Variants in MYO1D observed in about 807,000 individuals in gnomAD.
The protein encoded by MYO1D is myosin ID.
A neutral mutation model predicts 122.0 loss-of-function variants in MYO1D; 83 were observed. That is an observed-to-expected ratio of 0.68 (90% CI 0.57 to 0.82). MYO1D has a LOEUF of 0.82. Among genes scored for constraint, MYO1D ranks in the 40% least tolerant of loss-of-function variants. The pLI, the probability that MYO1D is intolerant of heterozygous loss-of-function variation, is 0.00. For missense variants in MYO1D, 1,157 were observed against 1,269.5 expected (o/e 0.91, Z 1.35); for synonymous variants, 464 against 446.9 (o/e 1.04, Z -0.48).
At chr17:32,588,934 T>G (rs2087414314) in intron 21 of MYO1D, among the ~76,000 whole-genome samples, 1 of 150,390 alleles carries the variant, frequency 6.6e-6, no homozygotes, top group African/African-American at 2.5e-5. Context: ...CAGAGCAAAA[T>G]TTTGCCTCAA....
chr17:32,644,109 T>C (rs947214232), intron 19 of MYO1D, among the ~76,000 whole-genome samples: 78 of 152,186 alleles, frequency 5.1e-4, no homozygotes, highest in African/African-American at 1.8e-3. Context: ...GATTCTGGTA[T>C]GTTGTGTCTT....
chr17:32,613,913 C>T (rs1304026647), intron 20 of MYO1D, among the ~76,000 whole-genome samples: 2 of 150,600 alleles, frequency 1.3e-5, no homozygotes, highest in Non-Finnish European at 3.0e-5. Flanking sequence ...GGGTCAGGCT[C>T]GCTGGCTTTC....
rs2087611270 is a variant in MYO1D at position 32,605,153 on chromosome 17, C to T, written c.2798G>A (p.Ser933Asn). The change falls in exon 21 of 22, where the codon AGC becomes AAC. Residue 933 changes from serine to asparagine, a missense_variant. Coordinates refer to ENST00000318217, the MANE Select transcript of MYO1D (RefSeq NM_015194.3). ...TCGACTCTCATGGGTTGGCTGTTTG[C>T]TGAAGAGGCAGACAATGAGGTCTTT... ...DNKDLIVCLF[S>N]KQPTHESRIG... is the part of the protein sequence containing the mutation. The T allele has an allele frequency of 6.2e-7, 1 of 1,610,476 alleles. No individual in the cohort carries two copies. Among genetic ancestry groups the T allele is most frequent in the Non-Finnish European group, 8.5e-7 (1 of 1,177,258 alleles).
At chr17:32,632,491 A>G (rs998541425) in intron 20 of MYO1D, 21 of 151,228 alleles carry the variant, frequency 1.4e-4, no homozygotes, top group Non-Finnish European at 7.4e-5. Context: ...TATATGCTGC[A>G]TTCGTGTATG....
chr17:32,621,021 C>T (rs1214023852), intron 20 of MYO1D, among the ~76,000 whole-genome samples: 1 of 152,102 alleles, frequency 6.6e-6, no homozygotes, highest in South Asian at 2.1e-4. Context: ...GGACGGAACC[C>T]AAGTCTAAAA....
intron 15 of MYO1D, among the ~76,000 whole-genome samples, chr17:32,713,541 T>C (rs973511226): frequency 5.5e-4 from 84 of 152,198 alleles, no homozygotes; most frequent in African/African-American, 1.9e-3. Context: ...AGTTTTACAG[T>C]TCCAGGCAAA....
chr17:32,828,907 C>G (rs1401807058), intron 1 of MYO1D, among the ~76,000 whole-genome samples: 1 of 152,200 alleles, frequency 6.6e-6, no homozygotes, highest in Non-Finnish European at 1.5e-5. Context: ...CACACACATA[C>G]AAGTCGGGTA....
rs61093464 is a variant in MYO1D, at chr17:32,503,065, T to A, written c.2865-8150A>T. ...CTTTATCAAATTACTTTCCTTCATT[T>A]TTCATTTAGACTCTTGTCTTCTGCT... is the stretch of plus-strand genomic sequence containing the variant. On this transcript the variant is annotated intron_variant, in intron 21 of 21. Transcript: ENST00000318217. 1.8e-3 allele frequency among the ~76,000 whole-genome samples: 268 copies of A among 152,372 alleles called. 1 individual carries two copies. Among genetic ancestry groups the A allele is most frequent in the African/African-American group, 6.1e-3 (254 of 41,582 alleles).
intron 21 of MYO1D, among the ~76,000 whole-genome samples, chr17:32,598,620 T>G (rs2087525957): frequency 6.6e-6 from 1 of 152,230 alleles, no homozygotes; most frequent in Non-Finnish European, 1.5e-5. Flanking sequence ...TGGGTTTGGG[T>G]GCAGACCACT....
intron 3 of MYO1D, among the ~76,000 whole-genome samples, chr17:32,776,370 G>T (rs550902261): frequency 6.6e-6 from 1 of 151,218 alleles, no homozygotes; most frequent in African/African-American, 2.4e-5. Context: ...GTATGTTCAC[G>T]TGTGTGTGTG....
chr17:32,549,441 G>A (rs1405025369), intron 21 of MYO1D, among the ~76,000 whole-genome samples: 1 of 152,192 alleles, frequency 6.6e-6, no homozygotes, highest in Non-Finnish European at 1.5e-5. Flanking sequence ...TAAGTAGTGA[G>A]CAGGAATCCC....
chr17:32,723,215 G>C (rs1270520196), intron 14 of MYO1D, among the ~76,000 whole-genome samples: 1 of 152,116 alleles, frequency 6.6e-6, no homozygotes, highest in African/African-American at 2.4e-5. Flanking sequence ...GGGGTCATGG[G>C]AATCCTCAAA....
At chr17:32,699,394 C>G (rs944732513) in intron 16 of MYO1D, among the ~76,000 whole-genome samples, 1 of 152,176 alleles carries the variant, frequency 6.6e-6, no homozygotes, top group African/African-American at 2.4e-5. Context: ...AGATAACTGT[C>G]AGACTGCCAG....
intron 20 of MYO1D, among the ~76,000 whole-genome samples, chr17:32,630,420 C>G (rs1160790778): frequency 6.6e-6 from 1 of 152,140 alleles, no homozygotes; most frequent in Admixed American, 6.6e-5. Context: ...ATAACTATAA[C>G]TTACAATGGG....
chr17:32,609,121 A>G (rs1424316954), intron 20 of MYO1D, among the ~76,000 whole-genome samples: 2 of 152,128 alleles, frequency 1.3e-5, no homozygotes, highest in East Asian at 3.8e-4. Flanking sequence ...GTACACCACC[A>G]CCCATGCACG....
At chr17:32,810,747 G>T (rs148031857) in intron 1 of MYO1D, among the ~76,000 whole-genome samples, 300 of 152,294 alleles carry the variant, frequency 2.0e-3, no homozygotes, top group Non-Finnish European at 3.3e-3. Flanking sequence ...ACAGTGCTGG[G>T]ATTACAGGCG....
At chr17:32,557,509 T>C (rs2087078829) in intron 21 of MYO1D, among the ~76,000 whole-genome samples, 1 of 151,980 alleles carries the variant, frequency 6.6e-6, no homozygotes, top group African/African-American at 2.4e-5. Context: ...CTTTTTCTTC[T>C]TTTTTTGAGA....
rs368367793 is a variant in MYO1D, at chr17:32,659,355, G to C, written c.2122-17C>G. The stretch of plus-strand genomic sequence containing the variant: ...CCGCCACACCTTCACAATAGAGAAA[G>C]AAAAAGGAAAACGTTATTGACCGGC... On this transcript the variant is annotated splice_polypyrimidine_tract_variant and intron_variant, in intron 16 of 21. Transcript: ENST00000318217. The C allele has an allele frequency of 1.2e-6, 2 of 1,611,280 alleles. No homozygotes were observed. Among genetic ancestry groups the C allele is most frequent in the Non-Finnish European group, 1.7e-6 (2 of 1,178,362 alleles).
At position 32,638,770 on chromosome 17, in the gene MYO1D, C is replaced by G; in HGVS notation, c.2661G>C (p.Met887Ile). 6.2e-7 allele frequency: 1 copy of G among 1,613,846 alleles called. No homozygotes were observed. Among genetic ancestry groups the G allele is most frequent in the Non-Finnish European group, 8.5e-7 (1 of 1,179,850 alleles). ...IFVTDRHLYKMDPTKQYKVMK... is the reference protein window; with the variant it reads ...IFVTDRHLYKIDPTKQYKVMK... ...TCACCTTGTACTGTTTAGTGGGATC[C>G]ATTTTATACAGGTGACGGTCAGTGA... is the stretch of plus-strand genomic sequence containing the variant. Residue 887 changes from methionine (M) to isoleucine (I), a missense_variant, in exon 20 of 22, where the codon ATG becomes ATC. Coordinates refer to ENST00000318217, the MANE Select transcript of MYO1D (RefSeq NM_015194.3).
Sources: allele counts gnomAD v4.1 joint callset (sites outside exome capture counted in the v4.1 genomes callset), GRCh38; gene constraint gnomAD v4.1.1; transcripts MANE v1.5; gene names NCBI Gene and HGNC (gene_info 2026-07-23, HGNC 2026-07-21).